Variants in ABCA13 observed in about 807,000 individuals in gnomAD.
ABCA13 encodes the protein ATP binding cassette subfamily A member 13.
ABCA13 carries 476 observed loss-of-function variants against 478.7 expected under a neutral mutation model. The ratio of observed to expected loss-of-function variants is 0.99; its 90% CI spans 0.92 to 1.07. The LOEUF (loss-of-function observed/expected upper bound fraction) is 1.07. ABCA13 is among the 50% of genes least tolerant of loss of function. ABCA13 has a pLI of 0.00. For missense variants in ABCA13, 6,060 were observed against 5,910.6 expected, an observed-to-expected ratio of 1.03 and a Z score of -0.83; for synonymous variants, 2,252 against 2,158.9, an observed-to-expected ratio of 1.04 and a Z score of -1.20.
chr7:48,322,311 A>G (rs1803610359), intron 27 of ABCA13, among the ~76,000 whole-genome samples: 2 of 152,156 alleles, frequency 1.3e-5, no homozygotes, highest in African/African-American at 4.8e-5. Context: ...GCTGCTCAAG[A>G]TGGCAAAGTT....
chr7:48,483,968 TG>T (rs753236454), intron 47 of ABCA13, among the ~76,000 whole-genome samples: 23 of 152,212 alleles, frequency 1.5e-4, no homozygotes, highest in Non-Finnish European at 2.5e-4. Context: ...CATTTCATTC[TG>T]TAGTGTGTGG....
rs1296594622 is a variant in ABCA13 at position 48,273,915 on chromosome 7, C to A, written c.4249C>A (p.Leu1417Ile). The A allele has an allele frequency of 1.2e-6, 2 of 1,612,640 alleles. No homozygotes were observed. Among genetic ancestry groups the A allele is most frequent in the African/African-American group, 2.7e-5 (2 of 74,838 alleles). ...LSNSSFSQGH[L>I]QNILGNFRDI... ...TAACTCCAGTTTTTCACAAGGTCAT[C>A]TTCAAAATATTTTGGGGAATTTCAG... Residue 1417 changes from leucine (L) to isoleucine (I), a missense_variant, in exon 17 of 62, where the codon CTT becomes ATT. Leu to Ile is a conservative substitution (Grantham distance 5, BLOSUM62 2). Coordinates refer to ENST00000435803, the MANE Select transcript of ABCA13 (RefSeq NM_152701.5).
At chr7:48,356,591 A>AT (rs886911616) in intron 31 of ABCA13, among the ~76,000 whole-genome samples, 1 of 151,604 alleles carries the variant, frequency 6.6e-6, no homozygotes, top group African/African-American at 2.4e-5. Context: ...TTAACTAAAA[A>AT]TTTTCCACTT....
intron 4 of ABCA13, 92 bp downstream of exon 4, chr7:48,219,597 T>A (rs1787036470): frequency 6.8e-7 from 1 of 1,468,244 alleles, no homozygotes; most frequent in African/African-American, 1.4e-5. Flanking sequence ...TGCTAAATGC[T>A]CAACTCCTGC....
intron 55 of ABCA13, among the ~76,000 whole-genome samples, chr7:48,530,329 C>CAT (rs1833143280): frequency 6.6e-6 from 1 of 151,450 alleles, no homozygotes; most frequent in Non-Finnish European, 1.5e-5. Flanking sequence ...TATATATACA[C>CAT]ATATACATAT....
chr7:48,204,572 GAGA>G (rs1328018861), intron 3 of ABCA13, among the ~76,000 whole-genome samples: 2 of 152,160 alleles, frequency 1.3e-5, no homozygotes, highest in South Asian at 2.1e-4. Flanking sequence ...ATTCGCCAGG[GAGA>G]AGGATTCCTT....
At chr7:48,594,678 A>G in intron 57 of ABCA13, 32 bp from the exon 58 acceptor site, 1 of 1,591,286 alleles carries the variant, frequency 6.3e-7, no homozygotes, top group Non-Finnish European at 8.6e-7. Flanking sequence ...TGTTTTTCAA[A>G]TGCTGATTAC....
intron 48 of ABCA13, among the ~76,000 whole-genome samples, chr7:48,504,921 GGTGAAA>G (rs1358078701): frequency 4.6e-5 from 7 of 152,184 alleles, no homozygotes; most frequent in Non-Finnish European, 8.8e-5. Flanking sequence ...AATAAAGCTT[GGTGAAA>G]GAAAGACACA....
At chr7:48,367,977 TC>T in intron 32 of ABCA13, 69 bp downstream of exon 32, 1 of 1,234,406 alleles carries the variant, frequency 8.1e-7, no homozygotes, top group Non-Finnish European at 1.1e-6. Context: ...ATGGATCTTG[TC>T]CCATAACCAA....
intron 55 of ABCA13, among the ~76,000 whole-genome samples, chr7:48,566,776 T>A (rs948409430): frequency 1.3e-5 from 2 of 152,152 alleles, no homozygotes; most frequent in African/African-American, 2.4e-5. Flanking sequence ...AAAATTCACA[T>A]AAAGAAATTT....
chr7:48,181,593 G>T (rs36136073), intron 1 of ABCA13, among the ~76,000 whole-genome samples: 1 of 150,662 alleles, frequency 6.6e-6, no homozygotes, highest in East Asian at 1.9e-4. Context: ...GTAGCCTAAT[G>T]CCCTTGTTAA....
At chr7:48,531,032 C>G (rs1013621631) in intron 55 of ABCA13, among the ~76,000 whole-genome samples, 3 of 152,062 alleles carry the variant, frequency 2.0e-5, no homozygotes, top group African/African-American at 7.2e-5. Flanking sequence ...GTTGCATTTG[C>G]TTTTTGGTTC....
chr7:48,302,553 G>T (rs1364139973), intron 23 of ABCA13, among the ~76,000 whole-genome samples: 1 of 152,040 alleles, frequency 6.6e-6, no homozygotes, highest in African/African-American at 2.4e-5. Context: ...GTAGCCATGT[G>T]TTCTCATTAT....
chr7:48,642,540 T>C (rs1464684310), intron 59 of ABCA13, among the ~76,000 whole-genome samples: 1 of 152,144 alleles, frequency 6.6e-6, no homozygotes, highest in Non-Finnish European at 1.5e-5. Context: ...TCAGAGTATA[T>C]TCATGTATTT....
chr7:48,396,271 C>T (rs1009540235), intron 38 of ABCA13, among the ~76,000 whole-genome samples: 1 of 152,256 alleles, frequency 6.6e-6, no homozygotes, highest in Non-Finnish European at 1.5e-5. Flanking sequence ...TGGGCTCTCT[C>T]AGATGGCCAG....
chr7:48,295,188 A>G (rs1799193981), intron 20 of ABCA13, among the ~76,000 whole-genome samples: 2 of 151,894 alleles, frequency 1.3e-5, no homozygotes, highest in East Asian at 3.9e-4. Flanking sequence ...CCTTACCAAC[A>G]CTCGTTATTT....
chr7:48,608,713 G>C (rs1791723095), intron 58 of ABCA13, among the ~76,000 whole-genome samples: 1 of 152,218 alleles, frequency 6.6e-6, no homozygotes, highest in African/African-American at 2.4e-5. Context: ...TTCGAAACTA[G>C]GGAGAGTGGG....
chr7:48,575,735 G>A (rs892971098), intron 55 of ABCA13, among the ~76,000 whole-genome samples: 1 of 152,056 alleles, frequency 6.6e-6, no homozygotes, highest in African/African-American at 2.4e-5. Context: ...GTGGCTTTTG[G>A]TACAACATTT....
rs1449169649 is a variant in ABCA13, at chr7:48,352,205, T to G, written c.10406T>G (p.Phe3469Cys). 3 of 1,606,248 alleles carry G rather than the reference T, an allele frequency of 1.9e-6. No homozygotes were observed. The South Asian group carries it at 3.3e-5, about 18-fold the overall frequency. The change falls in exon 31 of 62, where the codon TTC becomes TGC. Residue 3469 changes from phenylalanine (F) to cysteine (C), a missense_variant. Physicochemically the swap from Phe to Cys is radical, Grantham distance 205 (BLOSUM62 -2). Transcript: ENST00000435803. ...GGTATCATTTTCAGCAATTCCTTAT[T>G]CGACAAGAACTTCAGATCAGAGTCT... The part of the protein sequence containing the change: ...LASIIFSNSL[F>C]DKNFRSESVK...
Sources: gnomAD v4.1 joint callset for allele counts (sites outside exome capture counted in the v4.1 genomes callset) on GRCh38, gnomAD v4.1.1 for gene constraint, MANE v1.5 for transcripts, NCBI Gene and HGNC (gene_info 2026-07-23, HGNC 2026-07-21) for gene names.